PIK3R1: variants seen among roughly 807,000 people sequenced by gnomAD.
The protein encoded by PIK3R1 is phosphoinositide-3-kinase regulatory subunit 1, also known as phosphatidylinositol 3-kinase regulatory subunit alpha.
Under a neutral mutation model 98.0 loss-of-function variants are expected in PIK3R1, and 29 were observed. The observed-to-expected ratio is 0.30, with a 90% CI of 0.22 to 0.40. The LOEUF (loss-of-function observed/expected upper bound fraction) is 0.40. Among genes scored for constraint, PIK3R1 ranks in the 10% least tolerant of loss-of-function variants. The pLI is 1.00. For missense variants in PIK3R1, 596 were observed against 872.7 expected (o/e 0.68, Z 3.99); for synonymous variants, 282 against 311.8 (o/e 0.90, Z 1.01).
rs1311436378 is a variant in PIK3R1 at position 68,297,746 on chromosome 5, A to G, written c.*145A>G. On this transcript the variant is annotated 3_prime_UTR_variant, in exon 16 of 16. Coordinates refer to ENST00000521381, the MANE Select transcript of PIK3R1 (RefSeq NM_181523.3). ...GGATGGGACTAGAGCTTTCTTTCAC[A>G]AAAAAGAAGTAGGGGAAGACATGCA... 1 of 662,608 alleles carries G rather than the reference A, an allele frequency of 1.5e-6. No homozygotes were observed. The highest frequency in any genetic ancestry group is 2.6e-6 in the Non-Finnish European group (1 of 387,880). 41.0% of individuals were successfully genotyped at this position (662,608 alleles called of 1,614,324 possible). A position where few individuals can be genotyped will look rare whatever the true frequency, so the allele number is the denominator to read the frequency against.
At chr5:68,232,187 A>G (rs1030969585) in intron 2 of PIK3R1, among the ~76,000 whole-genome samples, 2 of 152,224 alleles carry the variant, frequency 1.3e-5, no homozygotes, top group Non-Finnish European at 2.9e-5. Flanking sequence ...TGTCATTTGC[A>G]TATTAAATTA....
In PIK3R1 at chr5:68,292,285, A is replaced by G; in HGVS notation, c.943A>G (p.Thr315Ala). 6.2e-7 allele frequency: 1 copy of G among 1,613,494 alleles called. No homozygotes were observed. Among genetic ancestry groups the G allele is most frequent in the South Asian group, 1.1e-5 (1 of 91,048 alleles). Residue 315 changes from threonine (T) to alanine (A), a missense_variant, in exon 8 of 16, where the codon ACT (threonine) becomes GCT (alanine). Coordinates refer to ENST00000521381, the MANE Select transcript of PIK3R1 (RefSeq NM_181523.3). Reference protein sequence around the residue: ...PALPPKPPKPTTVANNGMNNN... With the variant: ...PALPPKPPKPATVANNGMNNN... ...ACTGCCTCCTAAACCACCAAAACCT[A>G]CTACTGTAGCCAACAACGGTATGAA...
chr5:68,245,981 A>G (rs1017779797), intron 2 of PIK3R1, among the ~76,000 whole-genome samples: 3 of 152,208 alleles, frequency 2.0e-5, no homozygotes, highest in South Asian at 2.1e-4. Flanking sequence ...CTTCAGTTGC[A>G]ATGAAGGTGA....
chr5:68,249,681 T>G (rs1041126439), intron 2 of PIK3R1, among the ~76,000 whole-genome samples: 14 of 152,218 alleles, frequency 9.2e-5, no homozygotes, highest in African/African-American at 3.4e-4. Flanking sequence ...ATGACTTAGC[T>G]TCCCATAAAG....
chr5:68,290,878 C>G (rs767131533), intron 7 of PIK3R1: 1 of 1,367,958 alleles, frequency 7.3e-7, no homozygotes, highest in South Asian at 1.4e-5. Flanking sequence ...AATTTCGTGG[C>G]TTTTTAATTT....
chr5:68,227,024 G>A lies in PIK3R1; in HGVS notation c.334+15G>A, dbSNP rs776081185. 1.3e-6 allele frequency: 2 copies of A among 1,574,242 alleles called. No homozygotes were observed. The highest frequency in any genetic ancestry group is 1.7e-6 in the Non-Finnish European group (2 of 1,161,656). ...TGAACAACAAGGTCAGTATTGATAA[G>A]TGGTTGCTTAATGACTCCCTTTCTT... On this transcript the variant is annotated intron_variant, in intron 2 of 15. Coordinates refer to ENST00000521381, the MANE Select transcript of PIK3R1 (RefSeq NM_181523.3).
intron 2 of PIK3R1, among the ~76,000 whole-genome samples, chr5:68,272,269 AAG>A (rs1746395926): frequency 1.4e-5 from 2 of 144,238 alleles, no homozygotes; most frequent in Non-Finnish European, 3.0e-5. Flanking sequence ...AAAAAAAAAA[AAG>A]AAAAAGGAAA....
chr5:68,301,296 C>A lies in PIK3R1; in HGVS notation c.*3695C>A. On this transcript the variant is annotated 3_prime_UTR_variant, in exon 16 of 16. Transcript: ENST00000521381. Reference sequence around the variant, plus strand: ...CAATTGGAAAGACTATCCAACTTAACATGAAACTTGTCACCATGAGATAGC... The same window carrying A: ...CAATTGGAAAGACTATCCAACTTAAAATGAAACTTGTCACCATGAGATAGC... The A allele has an allele frequency of 5.7e-6, 1 of 176,244 alleles. No homozygotes were observed. Among genetic ancestry groups the A allele is most frequent in the Non-Finnish European group, 1.2e-5 (1 of 86,076 alleles). 10.9% of individuals were successfully genotyped at this position (176,244 alleles called of 1,614,324 possible). A position where few individuals can be genotyped will look rare whatever the true frequency, so the allele number is the denominator to read the frequency against.
chr5:68,216,916 C>G (rs572925807), intron 1 of PIK3R1, among the ~76,000 whole-genome samples: 1 of 152,110 alleles, frequency 6.6e-6, no homozygotes, highest in African/African-American at 2.4e-5. Flanking sequence ...ATGGCTGTTA[C>G]GTGTTGAATG....
chr5:68,297,390 G>GT (rs745364763), intron 15 of PIK3R1, 22 bp from the exon 16 acceptor site: 4 of 1,593,454 alleles, frequency 2.5e-6, no homozygotes, highest in South Asian at 1.1e-5. Flanking sequence ...TCAAAAGACA[G>GT]TTTTTCTTCT....
chr5:68,226,470 C>T lies in PIK3R1; in HGVS notation c.-206C>T, dbSNP rs564192372. 8 of 526,610 alleles carry T rather than the reference C, an allele frequency of 1.5e-5. No homozygotes were observed. The highest frequency in any genetic ancestry group is 6.6e-5 in the South Asian group (2 of 30,312). 32.6% of individuals were successfully genotyped at this position (526,610 alleles called of 1,614,324 possible). A position where few individuals can be genotyped will look rare whatever the true frequency, so the allele number is the denominator to read the frequency against. On this transcript the variant is annotated 5_prime_UTR_variant, in exon 2 of 16. Transcript: ENST00000521381. ...CGCAGAGGAAGTGGAGCCCTGTCTT[C>T]GGTCACACCATTGATGGAGGACAGA...
chr5:68,218,624 C>G (rs1743984720), intron 1 of PIK3R1, among the ~76,000 whole-genome samples: 1 of 152,084 alleles, frequency 6.6e-6, no homozygotes. Context: ...TTTTTATGCT[C>G]AAGTAGAATA....
At chr5:68,297,219 T>C (rs141617199) in intron 15 of PIK3R1, among the ~76,000 whole-genome samples, 193 bp from the exon 16 acceptor site, 1 of 152,316 alleles carries the variant, frequency 6.6e-6, no homozygotes, top group East Asian at 1.9e-4. Context: ...TTAAACCATT[T>C]TAAAGATGAA....
chr5:68,232,285 G>A (rs753471068), intron 2 of PIK3R1, among the ~76,000 whole-genome samples: 8 of 152,084 alleles, frequency 5.3e-5, no homozygotes, highest in Non-Finnish European at 8.8e-5. Flanking sequence ...TGTTAACTTT[G>A]TTTCCCTAAA....
intron 2 of PIK3R1, among the ~76,000 whole-genome samples, chr5:68,238,362 A>G (rs1744743056): frequency 6.6e-6 from 1 of 152,216 alleles, no homozygotes; most frequent in South Asian, 2.1e-4. Flanking sequence ...ATGTCCATCT[A>G]TAAAAGAAAA....
At chr5:68,225,830 C>G (rs140003121) in intron 1 of PIK3R1, among the ~76,000 whole-genome samples, 2,196 of 152,312 alleles carry the variant, frequency 0.014, 29 homozygotes, top group Middle Eastern at 0.021. Flanking sequence ...CTCTTTGGCT[C>G]CAGACGGATT....
intron 7 of PIK3R1, among the ~76,000 whole-genome samples, chr5:68,289,260 T>A (rs1431547332): frequency 6.6e-6 from 1 of 152,124 alleles, no homozygotes; most frequent in African/African-American, 2.4e-5. Context: ...CCATTTTTAT[T>A]TGAATTTGAG....
rs1169999501 is a variant in PIK3R1, at chr5:68,290,675, G to A, written c.917-1584G>A. 3.8e-6 allele frequency: 6 copies of A among 1,569,066 alleles called. No homozygotes were observed. In the East Asian group the frequency reaches 9.1e-5, roughly 24 times the overall value. On this transcript the variant is annotated intron_variant, in intron 7 of 15. Transcript: ENST00000521381. ...ATGAATTCCAAGACACCATTACAAAGAAAGCCGGACTCTTTTCTTATAACT... is the reference window on the plus strand; with the variant it reads ...ATGAATTCCAAGACACCATTACAAAAAAAGCCGGACTCTTTTCTTATAACT...
chr5:68,260,231 ACT>A (rs975315416), intron 2 of PIK3R1, among the ~76,000 whole-genome samples: 1 of 151,784 alleles, frequency 6.6e-6, no homozygotes, highest in Non-Finnish European at 1.5e-5. Context: ...GAATTAAATG[ACT>A]CTCAGAGGGG....
Sources: gnomAD v4.1 joint callset for allele counts (sites outside exome capture counted in the v4.1 genomes callset) on GRCh38, gnomAD v4.1.1 for gene constraint, MANE v1.5 for transcripts, NCBI Gene and HGNC (gene_info 2026-07-23, HGNC 2026-07-21) for gene names.